The following MYOM1 variants were observed in gnomAD, a reference collection of about 807,000 sequenced individuals.
MYOM1 encodes the protein myomesin-1.
A neutral mutation model predicts 205.3 loss-of-function variants in MYOM1; 164 were observed. The observed-to-expected ratio is 0.80, with a 90% CI of 0.70 to 0.91. MYOM1 has a LOEUF of 0.91. Among genes scored for constraint, MYOM1 ranks in the 40% least tolerant of loss-of-function variants. MYOM1 has a pLI of 0.00. For synonymous variants in MYOM1, 772 were observed against 789.4 expected, an observed-to-expected ratio of 0.98 and a Z score of 0.37; for missense variants, 2,011 against 2,127.3, an observed-to-expected ratio of 0.95 and a Z score of 1.08.
At chr18:3,075,394 A>C (rs2143642063) in intron 36 of MYOM1, 60 bp downstream of exon 36, 1 of 1,515,044 alleles carries the variant, frequency 6.6e-7, no homozygotes, top group East Asian at 2.3e-5. Flanking sequence ...AGCAAAATAA[A>C]ATTATCTTTT....
At chr18:3,138,667 A>G (rs938410819) in intron 14 of MYOM1, among the ~76,000 whole-genome samples, 3 of 152,102 alleles carry the variant, frequency 2.0e-5, no homozygotes, top group Non-Finnish European at 2.9e-5. Context: ...CAAATTCTTA[A>G]GCTGTTATCA....
chr18:3,189,029 C>G lies in MYOM1; in HGVS notation c.490G>C (p.Ala164Pro). 1 of 1,613,660 alleles carries G rather than the reference C, an allele frequency of 6.2e-7. No homozygotes were observed. The highest frequency in any genetic ancestry group is 8.5e-7 in the Non-Finnish European group (1 of 1,179,826). Residue 164 changes from alanine to proline, a missense_variant, in exon 4 of 38, where the codon GCT becomes CCT. Physicochemically the swap from Ala to Pro is conservative, Grantham distance 27 (BLOSUM62 -1). Coordinates refer to ENST00000356443, the MANE Select transcript of MYOM1 (RefSeq NM_003803.4). The surrounding 1 kb of genome is among the most constrained non-coding windows in gnomAD (Gnocchi z 4.8). Reference protein sequence around the residue: ...TEEERIKEAAAYIAQRNLLAS... With the variant: ...TEEERIKEAAPYIAQRNLLAS... Reference sequence around the variant, plus strand: ...AGAAGATTCCTCTGGGCTATATAAGCAGCAGCTTCTTTAATTCTTTCTTCT... The same window carrying G: ...AGAAGATTCCTCTGGGCTATATAAGGAGCAGCTTCTTTAATTCTTTCTTCT...
At chr18:3,142,143 C>T (rs2080059726) in intron 13 of MYOM1, 80 bp from the exon 14 acceptor site, 1 of 1,506,066 alleles carries the variant, frequency 6.6e-7, no homozygotes, top group East Asian at 2.3e-5. Context: ...CGCTGCTCTC[C>T]TCCTGAGGAA....
intron 29 of MYOM1, 96 bp from the exon 30 acceptor site, chr18:3,086,247 C>T (rs1366395804): frequency 1.6e-6 from 1 of 619,232 alleles, no homozygotes; most frequent in Non-Finnish European, 2.6e-6. Context: ...AAAGAAAAAG[C>T]ACTGAACGTG....
Position 3,094,290 on chromosome 18 carries a change from T to C in MYOM1, c.3744A>G (p.Ser1248=). The change falls in exon 26 of 38, where the codon TCA becomes TCG. Residue 1248 remains serine, a synonymous_variant. Coordinates refer to ENST00000356443, the MANE Select transcript of MYOM1 (RefSeq NM_003803.4). The part of the protein sequence containing the change: ...EHKFPTVPVK[S]ELAVEILEKG... ...TCTCCAAAATTTCAACTGCCAACTC[T>C]GATTTAACTGGGACAGCTATGAAAA... The C allele has an allele frequency of 6.2e-7, 1 of 1,613,322 alleles. No homozygotes were observed. Among genetic ancestry groups the C allele is most frequent in the African/African-American group, 1.3e-5 (1 of 74,934 alleles).
chr18:3,171,790 C>T (rs1006191497), intron 8 of MYOM1, among the ~76,000 whole-genome samples: 2 of 152,158 alleles, frequency 1.3e-5, no homozygotes, highest in African/African-American at 4.8e-5. Flanking sequence ...CACAGCCATG[C>T]TCATTCATTC....
upstream of MYOM1, among the ~76,000 whole-genome samples, chr18:3,224,358 G>A (rs1200151716): frequency 2.6e-5 from 4 of 152,086 alleles, no homozygotes; most frequent in African/African-American, 9.7e-5. Flanking sequence ...AGTGTATCTG[G>A]GCAATGGCAA....
At chr18:3,113,939 T>C (rs530889226) in intron 21 of MYOM1, among the ~76,000 whole-genome samples, 3 of 152,374 alleles carry the variant, frequency 2.0e-5, no homozygotes, top group African/African-American at 7.2e-5. Context: ...ACTAATTGTA[T>C]TTGTTTACAG....
intron 22 of MYOM1, among the ~76,000 whole-genome samples, chr18:3,103,385 G>A (rs1420919779): frequency 6.6e-6 from 1 of 152,178 alleles, no homozygotes. Flanking sequence ...AAAAAATTCA[G>A]TTAGTGTTTT....
chr18:3,176,927 C>T (rs1351117660), intron 5 of MYOM1, among the ~76,000 whole-genome samples: 1 of 150,770 alleles, frequency 6.6e-6, no homozygotes, highest in Non-Finnish European at 1.5e-5. Context: ...TTTTTGTGTG[C>T]ATGTTATATT....
intron 16 of MYOM1, 54 bp from the exon 17 acceptor site, chr18:3,131,550 T>C: frequency 6.5e-7 from 1 of 1,537,530 alleles, no homozygotes; most frequent in Admixed American, 1.8e-5. Flanking sequence ...TTAAGGAAGA[T>C]GATTGTTAGC....
intron 20 of MYOM1, among the ~76,000 whole-genome samples, chr18:3,118,089 AT>A (rs2143825168): frequency 6.6e-6 from 1 of 152,250 alleles, no homozygotes; most frequent in African/African-American, 2.4e-5. Context: ...TCCTACCCTA[AT>A]TATGCTACTT....
At chr18:3,195,863 T>C (rs2080985691) in intron 2 of MYOM1, among the ~76,000 whole-genome samples, 1 of 152,130 alleles carries the variant, frequency 6.6e-6, no homozygotes, top group Non-Finnish European at 1.5e-5. Context: ...TTTTTCTTTA[T>C]GTCCTTCCAA....
At chr18:3,199,752 A>T (rs1407163596) in intron 2 of MYOM1, among the ~76,000 whole-genome samples, 1 of 152,134 alleles carries the variant, frequency 6.6e-6, no homozygotes, top group Non-Finnish European at 1.5e-5. Context: ...AGGCAGGAGA[A>T]TCACTTGAAC....
In MYOM1 at chr18:3,202,586, A is replaced by T. The variant is rs141248465; in HGVS notation, c.291-8628T>A. ...GAGACAAAGAGGAATATTTCATATGATAAAATGGTCAATTTCTAAGAAAAG... is the reference window on the plus strand; with the variant it reads ...GAGACAAAGAGGAATATTTCATATGTTAAAATGGTCAATTTCTAAGAAAAG... On this transcript the variant is annotated intron_variant, in intron 2 of 37. Coordinates refer to ENST00000356443, the MANE Select transcript of MYOM1 (RefSeq NM_003803.4). 9.1e-3 allele frequency among the ~76,000 whole-genome samples: 1,391 copies of T among 152,286 alleles called. 31 individuals are homozygous for T. Among genetic ancestry groups the T allele is most frequent in the African/African-American group, 0.032 (1,315 of 41,562 alleles).
chr18:3,163,044 CA>C (rs2080417893), intron 10 of MYOM1, among the ~76,000 whole-genome samples: 1 of 146,834 alleles, frequency 6.8e-6, no homozygotes, highest in African/African-American at 2.5e-5. Flanking sequence ...CAAAAAAAAA[CA>C]AAAAACCACA....
At chr18:3,144,759 C>T (rs2080101463) in intron 13 of MYOM1, among the ~76,000 whole-genome samples, 1 of 152,012 alleles carries the variant, frequency 6.6e-6, no homozygotes, top group East Asian at 1.9e-4. Context: ...ATAAAGTGGT[C>T]AATTCATAAG....
chr18:3,140,816 C>T (rs531792857), intron 14 of MYOM1, among the ~76,000 whole-genome samples: 22 of 152,156 alleles, frequency 1.4e-4, no homozygotes, highest in South Asian at 6.2e-4. Flanking sequence ...AAAAATTCTA[C>T]GATTTTGCTA....
At chr18:3,149,280 G>T in intron 12 of MYOM1, 79 bp from the exon 13 acceptor site, 1 of 1,215,344 alleles carries the variant, frequency 8.2e-7, no homozygotes, top group Non-Finnish European at 1.2e-6. Context: ...TTGGGAAAGT[G>T]GCCAGATTAG....
Sources: gnomAD v4.1 joint callset for allele counts (sites outside exome capture counted in the v4.1 genomes callset) on GRCh38, gnomAD v4.1.1 for gene constraint, Gnocchi (gnomAD v3.1) non-coding constraint, MANE v1.5 for transcripts, NCBI Gene and HGNC (gene_info 2026-07-23, HGNC 2026-07-21) for gene names.